UIMC1: variants seen among roughly 807,000 people sequenced by gnomAD.
UIMC1 encodes ubiquitin interaction motif containing 1.
In UIMC1, 42 loss-of-function variants were observed where a neutral mutation model predicts 84.9. The observed-to-expected ratio is 0.49, with a 90% confidence interval of 0.39 to 0.64. The LOEUF (loss-of-function observed/expected upper bound fraction) is 0.64. Among genes scored for constraint, UIMC1 ranks in the 30% least tolerant of loss-of-function variants. The pLI, the probability that UIMC1 is intolerant of heterozygous loss-of-function variation, is 0.00. For missense variants in UIMC1, 825 were observed against 847.6 expected (o/e 0.97, Z 0.33); for synonymous variants, 281 against 293.0 (o/e 0.96, Z 0.42).
At chr5:176,915,578 CCT>C (rs1389280277) in intron 10 of UIMC1, among the ~76,000 whole-genome samples, 1 of 151,570 alleles carries the variant, frequency 6.6e-6, no homozygotes, top group Non-Finnish European at 1.5e-5. Context: ...GCCTCAGCCC[CCT>C]GAGTAGCTGG....
intron 1 of UIMC1, among the ~76,000 whole-genome samples, chr5:176,988,398 C>T (rs1296885448): frequency 6.6e-6 from 1 of 151,948 alleles, no homozygotes; most frequent in Non-Finnish European, 1.5e-5. Flanking sequence ...TGAAAACATG[C>T]CAAGCGAAAG....
intron 1 of UIMC1, among the ~76,000 whole-genome samples, chr5:177,002,570 G>A (rs1475684702): frequency 2.0e-5 from 3 of 152,188 alleles, no homozygotes; most frequent in African/African-American, 7.2e-5. Flanking sequence ...GGGAGGCCGA[G>A]GCAGGTGGAT....
intron 6 of UIMC1, among the ~76,000 whole-genome samples, chr5:176,967,982 A>T (rs1768566828): frequency 6.6e-6 from 1 of 152,108 alleles, no homozygotes; most frequent in African/African-American, 2.4e-5. Context: ...TTAAGAAATG[A>T]TCTAAGATAA....
intron 10 of UIMC1, among the ~76,000 whole-genome samples, chr5:176,917,575 CAAAACAAAAACA>C (rs945057083): frequency 3.3e-5 from 5 of 151,870 alleles, no homozygotes; most frequent in African/African-American, 4.8e-5. Context: ...CTGTCTCAAA[CAAAACAAAAACA>C]AAAACAAAAA....
chr5:176,943,494 G>A lies in UIMC1; in HGVS notation c.1444-6C>T. On this transcript the variant is annotated splice_region_variant and splice_polypyrimidine_tract_variant and intron_variant, in intron 9 of 14. Coordinates refer to ENST00000511320, the MANE Select transcript of UIMC1 (RefSeq NM_001199298.2). ...GCATCTTCCTTGTTACCAACCTGAA[G>A]AACATGACAAACAGCAATCATAACA... 6.2e-7 allele frequency: 1 copy of A among 1,613,504 alleles called. No homozygotes were observed. Among genetic ancestry groups the A allele is most frequent in the South Asian group, 1.1e-5 (1 of 91,008 alleles).
chr5:176,986,577 C>T (rs949744361), intron 1 of UIMC1, among the ~76,000 whole-genome samples: 14 of 147,070 alleles, frequency 9.5e-5, no homozygotes, highest in Non-Finnish European at 1.6e-4. Context: ...CACTGGCTCA[C>T]ACCTATAATC....
intron 11 of UIMC1, among the ~76,000 whole-genome samples, chr5:176,909,035 G>GT (rs1175692791): frequency 6.6e-6 from 1 of 152,172 alleles, no homozygotes; most frequent in Non-Finnish European, 1.5e-5. Context: ...AAGTGTAATA[G>GT]TTTTTTTCAA....
At chr5:177,005,600 A>G (rs1166143882) in intron 1 of UIMC1, among the ~76,000 whole-genome samples, 2 of 151,980 alleles carry the variant, frequency 1.3e-5, no homozygotes, top group African/African-American at 2.4e-5. Context: ...GATGTTCCAC[A>G]TGAGGAAACT....
In UIMC1 at chr5:176,905,108, A is replaced by G. The variant is rs770902605; in HGVS notation, c.*174T>C. The stretch of plus-strand genomic sequence containing the variant: ...AACAAACTGTTATAAAACAGAATAC[A>G]CAGTTGTCTGCATAGATCATAAAAA... On this transcript the variant is annotated 3_prime_UTR_variant, in exon 15 of 15. Transcript: ENST00000511320. The G allele has an allele frequency of 1.6e-5, 9 of 577,516 alleles. No individual in the cohort carries two copies. Among genetic ancestry groups the G allele is most frequent in the Non-Finnish European group, 2.7e-5 (9 of 335,406 alleles). The allele number at this position is 577,516 out of a possible 1,614,324, so 35.8% of individuals were successfully genotyped here. A position where few individuals can be genotyped will look rare whatever the true frequency, so the allele number is the denominator to read the frequency against.
At chr5:177,021,722 G>A (rs1378832043) in intron 1 of UIMC1, among the ~76,000 whole-genome samples, 1 of 151,868 alleles carries the variant, frequency 6.6e-6, no homozygotes, top group African/African-American at 2.4e-5. Flanking sequence ...GCGCCAGCTC[G>A]GCTCACAGCA....
At chr5:176,939,210 T>C (rs1321488115) in intron 10 of UIMC1, among the ~76,000 whole-genome samples, 1 of 150,380 alleles carries the variant, frequency 6.6e-6, no homozygotes, top group African/African-American at 2.5e-5. Context: ...TGAGCCGTAA[T>C]TGTATCACTG....
intron 1 of UIMC1, among the ~76,000 whole-genome samples, chr5:177,013,236 C>T (rs1044717235): frequency 6.6e-6 from 1 of 151,962 alleles, no homozygotes; most frequent in African/African-American, 2.4e-5. Flanking sequence ...TGGTGCACAT[C>T]TGTAATCCCA....
At chr5:176,969,787 G>C in intron 4 of UIMC1, 81 bp from the exon 5 acceptor site, 3 of 1,166,310 alleles carry the variant, frequency 2.6e-6, no homozygotes, top group Non-Finnish European at 3.7e-6. Flanking sequence ...GACAAAATGG[G>C]AGGCCACCGT....
intron 14 of UIMC1, chr5:176,905,729 T>C: frequency 1.6e-6 from 1 of 632,574 alleles, no homozygotes; most frequent in East Asian, 2.8e-5. Context: ...CCCAAGCTGC[T>C]TGAGAATCCA....
rs184913228 is a variant in UIMC1, at chr5:176,926,451, T to C, written c.1598-15062A>G. On this transcript the variant is annotated intron_variant, in intron 10 of 14. Coordinates refer to ENST00000511320, the MANE Select transcript of UIMC1 (RefSeq NM_001199298.2). ...GAGTTTGAGACCAGCTTGGGCAACA[T>C]AGCAAGACCCCCATCACTACAAAAT... 3.5e-4 allele frequency among the ~76,000 whole-genome samples: 53 copies of C among 152,068 alleles called. No individual in the cohort carries two copies. In the Middle Eastern group the frequency reaches 0.024, roughly 68 times the overall value.
chr5:176,929,032 T>C (rs1439501789), intron 10 of UIMC1, among the ~76,000 whole-genome samples: 2 of 151,744 alleles, frequency 1.3e-5, no homozygotes, highest in African/African-American at 2.4e-5. Context: ...GGCGGGTAGA[T>C]TACGAGGTCA....
At chr5:176,906,581 C>G (rs796957932) in intron 13 of UIMC1, among the ~76,000 whole-genome samples, 6 of 152,292 alleles carry the variant, frequency 3.9e-5, no homozygotes, top group African/African-American at 1.4e-4. Context: ...CTACTTATGC[C>G]AGGGAATATG....
At chr5:176,932,417 C>T (rs1252915941) in intron 10 of UIMC1, among the ~76,000 whole-genome samples, 1 of 152,114 alleles carries the variant, frequency 6.6e-6, no homozygotes, top group Non-Finnish European at 1.5e-5. Context: ...TAAGCAATGT[C>T]ATGAATATAA....
intron 1 of UIMC1, among the ~76,000 whole-genome samples, chr5:177,017,418 G>C (rs1329638732): frequency 6.6e-6 from 1 of 151,966 alleles, no homozygotes; most frequent in Non-Finnish European, 1.5e-5. Flanking sequence ...ATGGAGTCTT[G>C]CTCTTCTTGC....
Sources: gnomAD v4.1 joint callset for allele counts (sites outside exome capture counted in the v4.1 genomes callset) on GRCh38, gnomAD v4.1.1 for gene constraint, MANE v1.5 for transcripts, NCBI Gene and HGNC (gene_info 2026-07-23, HGNC 2026-07-21) for gene names.